IL1RAPL1: variants seen among roughly 807,000 people sequenced by gnomAD.
IL1RAPL1 encodes the protein interleukin 1 receptor accessory protein like 1.
In IL1RAPL1, 3 loss-of-function variants were observed where a neutral mutation model predicts 48.4. The observed-to-expected ratio is 0.06, with a 90% confidence interval of 0.03 to 0.16. IL1RAPL1 has a LOEUF of 0.16. Ranked by LOEUF, IL1RAPL1 falls within the 10% of genes least tolerant of loss-of-function variation. The pLI, the probability that IL1RAPL1 is intolerant of heterozygous loss-of-function variation, is 1.00. For synonymous variants in IL1RAPL1, 185 were observed against 187.7 expected, an observed-to-expected ratio of 0.99 and a Z score of 0.12; for missense variants, 349 against 530.6, an observed-to-expected ratio of 0.66 and a Z score of 3.36.
At chrX:29,802,531 A>T (rs1009709339) in intron 6 of IL1RAPL1, among the ~76,000 whole-genome samples, 2 of 107,882 alleles carry the variant, frequency 1.9e-5, no homozygotes, top group Admixed American at 2.0e-4. Flanking sequence ...CAGGGCTTTT[A>T]ATATTTTTTT....
At chrX:29,014,857 TGTG>T (rs1047169968) in intron 2 of IL1RAPL1, among the ~76,000 whole-genome samples, 5 of 111,821 alleles carry the variant, frequency 4.5e-5, no homozygotes, top group South Asian at 7.4e-4. Flanking sequence ...GATATTTAAA[TGTG>T]GTGATTATGC....
chrX:29,802,767 A>G (rs866353919), intron 6 of IL1RAPL1, among the ~76,000 whole-genome samples: 2 of 27,057 alleles, frequency 7.4e-5, no homozygotes, highest in African/African-American at 4.7e-4. Context: ...ATATATATAT[A>G]TATATATATA....
At chrX:29,769,307 A>T (rs1369619089) in intron 6 of IL1RAPL1, among the ~76,000 whole-genome samples, 1 of 109,256 alleles carries the variant, frequency 9.2e-6, no homozygotes, top group Non-Finnish European at 1.9e-5. Context: ...TGGTGCTATT[A>T]TGAATAATGC....
At chrX:29,445,676 C>T (rs1263826783) in intron 5 of IL1RAPL1, among the ~76,000 whole-genome samples, 1 of 111,862 alleles carries the variant, frequency 8.9e-6, no homozygotes, top group African/African-American at 3.2e-5. Flanking sequence ...CTGCCTGACC[C>T]GTTATATGGC....
intron 2 of IL1RAPL1, among the ~76,000 whole-genome samples, chrX:28,813,820 A>T (rs58831682): frequency 0.025 from 2,793 of 110,786 alleles, 77 homozygotes; most frequent in African/African-American, 0.086. Context: ...GAAGTCTGAA[A>T]TGTCTTAATA....
At chrX:28,695,212 C>T (rs1460469105) in intron 1 of IL1RAPL1, among the ~76,000 whole-genome samples, 1 of 111,403 alleles carries the variant, frequency 9.0e-6, no homozygotes, top group African/African-American at 3.3e-5. Context: ...AAATGCTTTA[C>T]TAAGCTTTTG....
At chrX:29,735,495 C>T (rs1928021328) in intron 6 of IL1RAPL1, among the ~76,000 whole-genome samples, 1 of 112,096 alleles carries the variant, frequency 8.9e-6, no homozygotes, top group Non-Finnish European at 1.9e-5. Context: ...ACCATAACAT[C>T]TTTCTGGAAG....
rs780598255 is a variant in IL1RAPL1, at chrX:29,134,828, A to G, written c.83-148110A>G. 7.2e-5 allele frequency among the ~76,000 whole-genome samples: 8 copies of G among 111,680 alleles called. No homozygotes were observed. In the South Asian group the frequency reaches 1.9e-3, roughly 26 times the overall value. ...TTATAGAGAATGTCAAACATATTCAAATACATAAAGAATGATATACTGGAC... is the reference window on the plus strand; with the variant it reads ...TTATAGAGAATGTCAAACATATTCAGATACATAAAGAATGATATACTGGAC... On this transcript the variant is annotated intron_variant, in intron 2 of 10. Coordinates refer to ENST00000378993, the MANE Select transcript of IL1RAPL1 (RefSeq NM_014271.4).
intron 5 of IL1RAPL1, among the ~76,000 whole-genome samples, chrX:29,511,323 G>A (rs1381134347): frequency 9.0e-6 from 1 of 111,572 alleles, no homozygotes; most frequent in Non-Finnish European, 1.9e-5. Context: ...ATTCATCTCT[G>A]TATAAACCCT....
chrX:29,264,667 A>C (rs1307137584), intron 2 of IL1RAPL1, among the ~76,000 whole-genome samples: 2 of 110,709 alleles, frequency 1.8e-5, no homozygotes, highest in East Asian at 5.6e-4. Context: ...CTATATAAGC[A>C]ATGTAACATT....
chrX:29,876,408 T>G (rs1469121558), intron 6 of IL1RAPL1, among the ~76,000 whole-genome samples: 2 of 111,653 alleles, frequency 1.8e-5, no homozygotes, highest in East Asian at 5.6e-4. Context: ...CCTCTAGTCC[T>G]TACTTTCGCT....
intron 2 of IL1RAPL1, among the ~76,000 whole-genome samples, chrX:28,811,626 A>C (rs990196957): frequency 2.7e-5 from 3 of 110,577 alleles, no homozygotes; most frequent in African/African-American, 9.8e-5. Context: ...TGTGAAATAA[A>C]TTGAATAAGA....
At chrX:29,710,832 G>A (rs1217704694) in intron 6 of IL1RAPL1, among the ~76,000 whole-genome samples, 2 of 107,035 alleles carry the variant, frequency 1.9e-5, no homozygotes, top group Admixed American at 1.0e-4. Context: ...TGGAAATCTT[G>A]TTATCTGCTA....
At chrX:29,149,313 T>C (rs907949404) in intron 2 of IL1RAPL1, among the ~76,000 whole-genome samples, 1 of 111,140 alleles carries the variant, frequency 9.0e-6, no homozygotes, top group African/African-American at 3.3e-5. Flanking sequence ...AAGATCCGTA[T>C]CTTGAAGCAC....
intron 6 of IL1RAPL1, among the ~76,000 whole-genome samples, chrX:29,905,193 TCCTTTGCCCAC>T (rs1375813986): frequency 1.8e-5 from 2 of 109,592 alleles, no homozygotes; most frequent in Non-Finnish European, 3.8e-5. Context: ...TCTGTTCATA[TCCTTTGCCCAC>T]TTTTTGATGG....
intron 6 of IL1RAPL1, among the ~76,000 whole-genome samples, chrX:29,771,724 C>A (rs192696904): frequency 2.7e-5 from 3 of 111,766 alleles, no homozygotes. Context: ...CTTGAAATCT[C>A]AACTCTTCCT....
rs149606497 is a variant in IL1RAPL1, at chrX:29,412,219, C to T, written c.703+12911C>T. Among the ~76,000 whole-genome samples the T allele has an allele frequency of 3.4e-3, 375 of 109,912 alleles. 2 individuals carry two copies. Among genetic ancestry groups the T allele is most frequent in the African/African-American group, 0.012 (350 of 30,174 alleles). On this transcript the variant is annotated intron_variant, in intron 5 of 10. Transcript: ENST00000378993. Reference sequence around the variant, plus strand: ...TCAGGAGGCAGAAGTTGCAGTGAGCCGAGATCAAACCACTGTGCTTCAGCC... The same window carrying T: ...TCAGGAGGCAGAAGTTGCAGTGAGCTGAGATCAAACCACTGTGCTTCAGCC...
chrX:29,705,363 C>G (rs992330200), intron 6 of IL1RAPL1, among the ~76,000 whole-genome samples: 1 of 111,033 alleles, frequency 9.0e-6, no homozygotes, highest in African/African-American at 3.3e-5. Context: ...TACAGGCGCC[C>G]ACCACCACAC....
intron 1 of IL1RAPL1, among the ~76,000 whole-genome samples, chrX:28,607,203 T>C (rs1934093079): frequency 9.1e-6 from 1 of 109,737 alleles, no homozygotes; most frequent in South Asian, 4.0e-4. Context: ...TTTTACTGCA[T>C]GCCAAACCTT....
Sources: allele counts gnomAD v4.1 joint callset (sites outside exome capture counted in the v4.1 genomes callset), GRCh38; gene constraint gnomAD v4.1.1; transcripts MANE v1.5; gene names NCBI Gene and HGNC (gene_info 2026-07-23, HGNC 2026-07-21).